OPHN1: variants seen among roughly 807,000 people sequenced by gnomAD.
OPHN1 encodes the protein oligophrenin-1.
In OPHN1, 11 loss-of-function variants were observed where a neutral mutation model predicts 60.7. The ratio of observed to expected loss-of-function variants is 0.18; its 90% CI spans 0.11 to 0.30. The LOEUF (loss-of-function observed/expected upper bound fraction) is 0.30. Ranked by LOEUF, OPHN1 falls within the 10% of genes least tolerant of loss-of-function variation. The probability of loss-of-function intolerance (pLI) is 1.00; values close to 1 mark genes in which losing one functional copy is unlikely to be tolerated. For missense variants in OPHN1, 449 were observed against 611.0 expected (o/e 0.73, Z 2.80); for synonymous variants, 226 against 222.6 (o/e 1.02, Z -0.14).
intron 2 of OPHN1, among the ~76,000 whole-genome samples, chrX:68,406,063 G>A (rs865957186): frequency 6.9e-4 from 74 of 107,726 alleles, no homozygotes; most frequent in African/African-American, 2.1e-3. Context: ...CACAAGAATC[G>A]CGTGAACCCA....
intron 2 of OPHN1, among the ~76,000 whole-genome samples, chrX:68,333,004 T>C: frequency 9.0e-6 from 1 of 111,109 alleles, no homozygotes; most frequent in African/African-American, 3.3e-5. Context: ...CATCACTAGC[T>C]AGCCTCATTC....
chrX:68,173,418 C>T (rs936764103), intron 15 of OPHN1, among the ~76,000 whole-genome samples: 1 of 111,680 alleles, frequency 9.0e-6, no homozygotes, highest in Admixed American at 9.6e-5. Flanking sequence ...TACACAGTGG[C>T]TATCTTGACA....
intron 18 of OPHN1, among the ~76,000 whole-genome samples, chrX:68,103,424 G>A (rs2077068046): frequency 8.9e-6 from 1 of 111,758 alleles, no homozygotes; most frequent in South Asian, 3.7e-4. Flanking sequence ...CAATATGATA[G>A]TGAATGGGCA....
intron 2 of OPHN1, among the ~76,000 whole-genome samples, chrX:68,389,709 A>G (rs1359237569): frequency 9.3e-6 from 1 of 107,750 alleles, no homozygotes; most frequent in African/African-American, 3.3e-5. Flanking sequence ...TCCAATATTT[A>G]GCAAGCTGTA....
chrX:68,042,768 T>A lies in OPHN1; in HGVS notation c.*4404A>T, dbSNP rs1381260350. On this transcript the variant is annotated 3_prime_UTR_variant, in exon 25 of 25. Coordinates refer to ENST00000355520, the MANE Select transcript of OPHN1 (RefSeq NM_002547.3). ...AGAAATAGGAACACTTTTACACTGTTGGTTGGACTGTAAACTAGTTCAACC... is the reference window on the plus strand; with the variant it reads ...AGAAATAGGAACACTTTTACACTGTAGGTTGGACTGTAAACTAGTTCAACC... 2 of 78,836 alleles carry A rather than the reference T, an allele frequency of 2.5e-5. No individual in the cohort carries two copies. Among genetic ancestry groups the A allele is most frequent in the African/African-American group, 9.7e-5 (2 of 20,583 alleles). The allele number at this position is 78,836 out of a possible 1,213,427, so 6.5% of individuals were successfully genotyped here. A position where few individuals can be genotyped will look rare whatever the true frequency, so the allele number is the denominator to read the frequency against.
At chrX:68,323,998 T>C (rs1445192330) in intron 2 of OPHN1, among the ~76,000 whole-genome samples, 1 of 111,786 alleles carries the variant, frequency 8.9e-6, no homozygotes, top group Non-Finnish European at 1.9e-5. Flanking sequence ...ACATCAAACA[T>C]CAAATTTAAT....
At chrX:68,125,363 T>C (rs5965501) in intron 15 of OPHN1, among the ~76,000 whole-genome samples, 2 of 111,383 alleles carry the variant, frequency 1.8e-5, no homozygotes, top group Non-Finnish European at 3.8e-5. Context: ...GAATTTGACA[T>C]GATAATAATA....
rs772141994 is a variant in OPHN1, at chrX:68,163,793, G to A, written c.1276+29126C>T. Among the ~76,000 whole-genome samples the A allele has an allele frequency of 5.8e-4, 64 of 110,827 alleles. 1 individual carries two copies. The highest frequency in any genetic ancestry group is 3.4e-3 in the East Asian group (12 of 3,541). Reference sequence around the variant, plus strand: ...TAACAGCCATTCAAATAAGTGTGACGTGTATCTCATTGTGGTTTTGGCTTG... The same window carrying A: ...TAACAGCCATTCAAATAAGTGTGACATGTATCTCATTGTGGTTTTGGCTTG... On this transcript the variant is annotated intron_variant, in intron 15 of 24. Coordinates refer to ENST00000355520, the MANE Select transcript of OPHN1 (RefSeq NM_002547.3).
chrX:68,312,100 A>T (rs866890963), intron 2 of OPHN1, among the ~76,000 whole-genome samples: 12 of 92,252 alleles, frequency 1.3e-4, no homozygotes, highest in East Asian at 3.3e-4. Context: ...ATTATATTCT[A>T]TTTTTTTTTT....
chrX:68,158,738 T>C (rs922564449), intron 15 of OPHN1, among the ~76,000 whole-genome samples: 10 of 111,797 alleles, frequency 8.9e-5, no homozygotes, highest in Non-Finnish European at 1.7e-4. Context: ...GCATGCACTT[T>C]TCCCTCTAGC....
chrX:68,095,990 C>T (rs894933937), intron 19 of OPHN1, among the ~76,000 whole-genome samples: 2 of 111,409 alleles, frequency 1.8e-5, no homozygotes, highest in African/African-American at 3.3e-5. Flanking sequence ...AGATGGGGTT[C>T]GAATAAGTGT....
At chrX:68,321,552 A>T (rs2078235283) in intron 2 of OPHN1, among the ~76,000 whole-genome samples, 1 of 111,869 alleles carries the variant, frequency 8.9e-6, no homozygotes, top group African/African-American at 3.3e-5. Flanking sequence ...AGTATGAGTG[A>T]CAGGAATGGA....
chrX:68,403,434 T>C (rs2078725213), intron 2 of OPHN1, among the ~76,000 whole-genome samples: 2 of 111,933 alleles, frequency 1.8e-5, no homozygotes, highest in Admixed American at 9.5e-5. Flanking sequence ...TGTTAATTAC[T>C]ACTGAAAGAT....
chrX:68,195,966 T>A (rs898993144), intron 12 of OPHN1, among the ~76,000 whole-genome samples: 1 of 111,785 alleles, frequency 8.9e-6, no homozygotes, highest in Non-Finnish European at 1.9e-5. Context: ...AATTGAAAGA[T>A]AAATGCCTTG....
chrX:68,282,551 T>G (rs2078023841), intron 4 of OPHN1, among the ~76,000 whole-genome samples: 2 of 112,027 alleles, frequency 1.8e-5, no homozygotes, highest in South Asian at 7.4e-4. Flanking sequence ...AACTATGAAC[T>G]TTAGTTAATA....
rs752788323 is a variant in OPHN1, at chrX:68,101,285, TTTAAC to T, written c.1527-4261_1527-4257del. Among the ~76,000 whole-genome samples, 14 of 112,381 alleles carry T rather than the reference TTTAAC, an allele frequency of 1.2e-4. No homozygotes were observed. In the South Asian group the frequency reaches 5.2e-3, roughly 42 times the overall value. On this transcript the variant is annotated intron_variant, in intron 18 of 24. Coordinates refer to ENST00000355520, the MANE Select transcript of OPHN1 (RefSeq NM_002547.3). ...AAAATAAACTCAACAATGAACATAA[TTTAAC>T]TTAAGTGACTATAATATGAGCAGCT...
At chrX:68,314,341 G>C in intron 2 of OPHN1, among the ~76,000 whole-genome samples, 1 of 110,879 alleles carries the variant, frequency 9.0e-6, no homozygotes, top group Middle Eastern at 4.7e-3. Context: ...GACCAACAAG[G>C]TGAAACCCCA....
At chrX:68,279,700 C>G (rs979344923) in intron 4 of OPHN1, among the ~76,000 whole-genome samples, 1 of 111,674 alleles carries the variant, frequency 9.0e-6, no homozygotes, top group Admixed American at 9.5e-5. Flanking sequence ...GAATTCCTGG[C>G]ATGGGGTGAA....
At chrX:68,172,824 G>T (rs1373905227) in intron 15 of OPHN1, among the ~76,000 whole-genome samples, 1 of 110,959 alleles carries the variant, frequency 9.0e-6, no homozygotes, top group Non-Finnish European at 1.9e-5. Flanking sequence ...TGCTGTCTCG[G>T]TATCCGTTCT....
Sources: gnomAD v4.1 joint callset for allele counts (sites outside exome capture counted in the v4.1 genomes callset) on GRCh38, gnomAD v4.1.1 for gene constraint, MANE v1.5 for transcripts, NCBI Gene and HGNC (gene_info 2026-07-23, HGNC 2026-07-21) for gene names.